The following ZBTB7C variants were observed in gnomAD, a reference collection of about 807,000 sequenced individuals.
ZBTB7C encodes the protein zinc finger and BTB domain containing 7C, also known as zinc finger and BTB domain-containing protein 7C.
A neutral mutation model predicts 25.7 loss-of-function variants in ZBTB7C; 8 were observed. That is an observed-to-expected ratio of 0.31 (90% CI 0.18 to 0.56). ZBTB7C has a LOEUF of 0.56. Ranked by LOEUF, ZBTB7C falls within the 20% of genes least tolerant of loss-of-function variation. ZBTB7C has a pLI of 0.91. For missense variants in ZBTB7C, 824 were observed against 855.2 expected, an observed-to-expected ratio of 0.96 and a Z score of 0.46; for synonymous variants, 394 against 369.0, an observed-to-expected ratio of 1.07 and a Z score of -0.78.
intron 2 of ZBTB7C, among the ~76,000 whole-genome samples, chr18:48,220,271 A>T (rs1482545041): frequency 2.0e-5 from 3 of 152,148 alleles, no homozygotes; most frequent in African/African-American, 7.2e-5. Context: ...CAGGATGGAG[A>T]GGGGATGAAT....
At chr18:48,340,876 C>A (rs573258750) in intron 1 of ZBTB7C, among the ~76,000 whole-genome samples, 1 of 152,204 alleles carries the variant, frequency 6.6e-6, no homozygotes, top group Non-Finnish European at 1.5e-5. Flanking sequence ...GGCAGCCTTG[C>A]ACTTGGTTCT....
intron 3 of ZBTB7C, among the ~76,000 whole-genome samples, chr18:48,090,341 G>C (rs2038364857): frequency 6.6e-6 from 1 of 152,236 alleles, no homozygotes; most frequent in Admixed American, 6.5e-5. Context: ...TAATCCTGGG[G>C]TTCCAATCGC....
At chr18:48,163,277 C>CA in intron 3 of ZBTB7C, among the ~76,000 whole-genome samples, 1 of 152,312 alleles carries the variant, frequency 6.6e-6, no homozygotes, top group East Asian at 1.9e-4. Flanking sequence ...TGGCCCTGGA[C>CA]AGTGGCTGTG....
chr18:48,175,744 A>G (rs2041653323), intron 3 of ZBTB7C, among the ~76,000 whole-genome samples: 1 of 152,246 alleles, frequency 6.6e-6, no homozygotes, highest in Non-Finnish European at 1.5e-5. Context: ...TTCTCATACC[A>G]GAAAGTAAGA....
intron 2 of ZBTB7C, among the ~76,000 whole-genome samples, chr18:48,298,849 T>C (rs977778673): frequency 2.0e-5 from 3 of 152,204 alleles, no homozygotes; most frequent in Non-Finnish European, 4.4e-5. Context: ...CATCAGAAGC[T>C]ATCTATGGAA....
Position 48,178,910 on chromosome 18 carries a change from G to A in ZBTB7C, c.-17+7024C>T, listed in dbSNP as rs368889137. 1.6e-3 allele frequency among the ~76,000 whole-genome samples: 248 copies of A among 152,238 alleles called. 1 individual carries two copies. The highest frequency in any genetic ancestry group is 3.1e-3 in the Admixed American group (47 of 15,290). On this transcript the variant is annotated intron_variant, in intron 3 of 4. Coordinates refer to ENST00000590800, the MANE Select transcript of ZBTB7C (RefSeq NM_001318841.2). ...TCTGGGCAAGGCTGCCTCTTCTGGGGCCCTACCTCTCCCCCACCAAGGGTG... is the reference window on the plus strand; with the variant it reads ...TCTGGGCAAGGCTGCCTCTTCTGGGACCCTACCTCTCCCCCACCAAGGGTG...
intron 1 of ZBTB7C, among the ~76,000 whole-genome samples, chr18:48,375,333 G>A (rs8090395): frequency 0.58 from 87,521 of 152,042 alleles, 25,414 homozygotes; most frequent in East Asian, 0.77. Context: ...GCATGAGATC[G>A]ACCAGGAAAC....
At chr18:48,294,045 G>A (rs1177258901) in intron 2 of ZBTB7C, among the ~76,000 whole-genome samples, 1 of 152,244 alleles carries the variant, frequency 6.6e-6, no homozygotes, top group Non-Finnish European at 1.5e-5. Context: ...GCCACCGTGG[G>A]AGTCATTAGC....
At chr18:48,185,449 C>G in intron 3 of ZBTB7C, 1 of 339,950 alleles carries the variant, frequency 2.9e-6, no homozygotes, top group Non-Finnish European at 5.8e-6. Flanking sequence ...CAGGTGCTGC[C>G]TGGCACCTGG....
At chr18:48,245,451 T>A (rs555112810) in intron 2 of ZBTB7C, among the ~76,000 whole-genome samples, 3 of 147,008 alleles carry the variant, frequency 2.0e-5, no homozygotes, top group African/African-American at 7.6e-5. Flanking sequence ...ACAACACTTG[T>A]TCCCCTAAAA....
At position 48,212,092 on chromosome 18, in the gene ZBTB7C, T is replaced by A. The variant is rs139889851; in HGVS notation, c.-78-26097A>T. ...CAGTCTGGCCAGGCGCAGTGGCTCA[T>A]GCCTGTGATCTCAGCACTTTGGGAG... On this transcript the variant is annotated intron_variant, in intron 2 of 4. Transcript: ENST00000590800. Among the ~76,000 whole-genome samples, 983 of 152,308 alleles carry A rather than the reference T, an allele frequency of 6.5e-3. 17 individuals are homozygous for A. The highest frequency in any genetic ancestry group is 0.022 in the African/African-American group (931 of 41,540).
intron 3 of ZBTB7C, among the ~76,000 whole-genome samples, chr18:48,057,366 G>C (rs894193652): frequency 1.3e-5 from 2 of 152,122 alleles, no homozygotes; most frequent in Admixed American, 6.5e-5. Context: ...AGGCTTGCTA[G>C]ATACATCATG....
chr18:48,209,851 T>C (rs1268651965), intron 2 of ZBTB7C, among the ~76,000 whole-genome samples: 1 of 152,132 alleles, frequency 6.6e-6, no homozygotes, highest in Non-Finnish European at 1.5e-5. Flanking sequence ...ACTTTTGGGT[T>C]TTAATGGACA....
intron 3 of ZBTB7C, among the ~76,000 whole-genome samples, chr18:48,184,743 C>T (rs1480465007): frequency 6.6e-6 from 1 of 152,032 alleles, no homozygotes; most frequent in Non-Finnish European, 1.5e-5. Context: ...GACTGTCCGC[C>T]AGGAGCTCAA....
intron 3 of ZBTB7C, among the ~76,000 whole-genome samples, chr18:48,161,766 T>C (rs2041054701): frequency 1.1e-5 from 1 of 87,618 alleles, no homozygotes; most frequent in South Asian, 3.8e-4. Context: ...TCCCCGCCCC[T>C]TCCCGGGCGC....
At chr18:48,288,725 G>A (rs913153543) in intron 2 of ZBTB7C, among the ~76,000 whole-genome samples, 11 of 152,304 alleles carry the variant, frequency 7.2e-5, no homozygotes, top group African/African-American at 2.4e-4. Flanking sequence ...TCCACTCTGT[G>A]AGGACAAAGT....
At chr18:48,103,107 T>A (rs201341392) in intron 3 of ZBTB7C, among the ~76,000 whole-genome samples, 138 of 124,236 alleles carry the variant, frequency 1.1e-3, no homozygotes, top group African/African-American at 4.2e-3. Context: ...ATTATATATT[T>A]TATATTATCT....
intron 2 of ZBTB7C, among the ~76,000 whole-genome samples, chr18:48,246,498 G>T (rs919852684): frequency 1.3e-5 from 2 of 150,978 alleles, no homozygotes; most frequent in Non-Finnish European, 3.0e-5. Context: ...ACAAATAATT[G>T]TATACACCTG....
intron 1 of ZBTB7C, among the ~76,000 whole-genome samples, chr18:48,400,168 T>C (rs2048124770): frequency 6.6e-6 from 1 of 152,192 alleles, no homozygotes; most frequent in East Asian, 1.9e-4. Flanking sequence ...GGCTGAACAC[T>C]GTCAGTTCTC....
Sources: gnomAD v4.1 joint callset for allele counts (sites outside exome capture counted in the v4.1 genomes callset) on GRCh38, gnomAD v4.1.1 for gene constraint, MANE v1.5 for transcripts, NCBI Gene and HGNC (gene_info 2026-07-23, HGNC 2026-07-21) for gene names.